UCP3: variants seen among roughly 807,000 people sequenced by gnomAD.
UCP3 encodes the protein uncoupling protein 3, also known as putative mitochondrial transporter UCP3.
Under a neutral mutation model 28.1 loss-of-function variants are expected in UCP3, and 24 were observed. That is an observed-to-expected ratio of 0.85 (90% CI 0.62 to 1.20). The LOEUF is 1.20. Among genes scored for constraint, UCP3 ranks in the 50% most tolerant of loss-of-function variants. The probability of loss-of-function intolerance (pLI) is 0.00; values close to 1 mark genes in which losing one functional copy is unlikely to be tolerated. For missense variants in UCP3, 397 were observed against 422.2 expected, an observed-to-expected ratio of 0.94 and a Z score of 0.52; for synonymous variants, 184 against 171.2, an observed-to-expected ratio of 1.07 and a Z score of -0.59.
In UCP3 at chr11:74,004,082, A is replaced by G; in HGVS notation, c.644-75T>C. On this transcript the variant is annotated intron_variant, in intron 5 of 6. Coordinates refer to ENST00000314032, the MANE Select transcript of UCP3 (RefSeq NM_003356.4). ...CATATGTATGCACTGTTTGTCCCCAACTCAACCGTGAACTCCCTGAGCATA... is the reference window on the plus strand; with the variant it reads ...CATATGTATGCACTGTTTGTCCCCAGCTCAACCGTGAACTCCCTGAGCATA... The G allele has an allele frequency of 2.5e-6, 4 of 1,578,394 alleles. No individual in the cohort carries two copies. In the South Asian group the frequency reaches 4.6e-5, roughly 18 times the overall value.
At position 74,009,011 on chromosome 11, in the gene UCP3, G is replaced by C. The variant is rs556313362; in HGVS notation, c.-129C>G. On this transcript the variant is annotated 5_prime_UTR_variant, in exon 1 of 7. Transcript: ENST00000314032. ...CCTGCCACGGCAGGGGCAGCACAGGGGCTCCCTAGGGCTCCATCCCAGGAG... is the reference window on the plus strand; with the variant it reads ...CCTGCCACGGCAGGGGCAGCACAGGCGCTCCCTAGGGCTCCATCCCAGGAG... 6.6e-6 allele frequency: 1 copy of C among 152,256 alleles called. No homozygotes were observed. Among genetic ancestry groups the C allele is most frequent in the African/African-American group, 2.4e-5 (1 of 41,438 alleles). The allele number at this position is 152,256 out of a possible 1,614,324, so 9.4% of individuals were successfully genotyped here. A position where few individuals can be genotyped will look rare whatever the true frequency, so the allele number is the denominator to read the frequency against.
intron 6 of UCP3, 28 bp from the exon 7 acceptor site, chr11:74,001,554 G>T: frequency 6.2e-7 from 1 of 1,607,744 alleles, no homozygotes. Context: ...CAACACATCA[G>T]GTGGAGTGCT....
At position 74,001,525 on chromosome 11, in the gene UCP3, A is replaced by G; in HGVS notation, c.826T>C (p.Phe276Leu). ...QEGPTAFYKGFTPSFLRLGSW... is the reference protein window; with the variant it reads ...QEGPTAFYKGLTPSFLRLGSW... ...CCCAAACGCAAAAAGGAGGGTGTAAATCTGATAAGAAAAACAACCAACACA... is the reference window on the plus strand; with the variant it reads ...CCCAAACGCAAAAAGGAGGGTGTAAGTCTGATAAGAAAAACAACCAACACA... Residue 276 changes from phenylalanine (F) to leucine (L), a missense_variant and splice_region_variant, in exon 7 of 7, where the codon TTT (phenylalanine) becomes CTT (leucine). Transcript: ENST00000314032. 6.2e-7 allele frequency: 1 copy of G among 1,614,108 alleles called. No individual in the cohort carries two copies. Among genetic ancestry groups the G allele is most frequent in the Non-Finnish European group, 8.5e-7 (1 of 1,180,002 alleles).
Position 74,001,506 on chromosome 11 carries a change from C to T in UCP3, c.845G>A (p.Arg282His), listed in dbSNP as rs768018002. 1.5e-5 allele frequency: 25 copies of T among 1,613,814 alleles called. No individual in the cohort carries two copies. Among genetic ancestry groups the T allele is most frequent in the East Asian group, 6.7e-5 (3 of 44,898 alleles). The change falls in exon 7 of 7, where the codon CGT becomes CAT. Residue 282 changes from arginine to histidine, a missense_variant. Transcript: ENST00000314032. The stretch of plus-strand genomic sequence containing the variant: ...CATCACCACGTTCCAGGATCCCAAA[C>T]GCAAAAAGGAGGGTGTAAATCTGAT... ...FYKGFTPSFL[R>H]LGSWNVVMFV...
rs764930928 is a variant in UCP3, at chr11:74,006,183, G to A, written c.323C>T (p.Pro108Leu). 3 of 1,614,028 alleles carry A rather than the reference G, an allele frequency of 1.9e-6. No individual in the cohort carries two copies. In the East Asian group the frequency reaches 6.7e-5, roughly 36 times the overall value. ...TGGTCACTCACTGTCCGCGCCTTTG[G>A]GGGTGTACACCTGCTTGACGGAGTC... ...LYDSVKQVYT[P>L]KGADNSSLTT... Residue 108 changes from proline to leucine, a missense_variant, in exon 3 of 7, where the codon CCC becomes CTC. Pro to Leu is a moderately conservative substitution (Grantham distance 98). Transcript: ENST00000314032.
At chr11:74,006,828 G>T (rs1951670623) in intron 2 of UCP3, 89 bp downstream of exon 2, 2 of 1,598,728 alleles carry the variant, frequency 1.3e-6, no homozygotes, top group East Asian at 2.2e-5. Context: ...TTCTGAGGAA[G>T]GGCATGTGGG....
rs773117289 is a variant in UCP3, at chr11:74,001,408, T to A, written c.*4A>T. 1 of 1,614,194 alleles carries A rather than the reference T, an allele frequency of 6.2e-7. No homozygotes were observed. The highest frequency in any genetic ancestry group is 2.2e-5 in the East Asian group (1 of 44,882). ...GTTAGCTACCAGTGGCCTTCTTGTC[T>A]TGTTCAAAACGGTGATTCCCGTAAC... On this transcript the variant is annotated 3_prime_UTR_variant, in exon 7 of 7. Transcript: ENST00000314032.
chr11:74,006,909 G>A lies in UCP3; in HGVS notation c.126+8C>T. The A allele has an allele frequency of 1.9e-6, 3 of 1,614,158 alleles. No individual in the cohort carries two copies. The highest frequency in any genetic ancestry group is 2.5e-6 in the Non-Finnish European group (3 of 1,180,032). ...GTGATCAATGACCCTTGGCCAAAGGGCACCTACCTGCAGGCGGACCTTGGC... is the reference window on the plus strand; with the variant it reads ...GTGATCAATGACCCTTGGCCAAAGGACACCTACCTGCAGGCGGACCTTGGC... On this transcript the variant is annotated splice_region_variant and intron_variant, in intron 2 of 6. Coordinates refer to ENST00000314032, the MANE Select transcript of UCP3 (RefSeq NM_003356.4).
chr11:74,005,812 G>C lies in UCP3; in HGVS notation c.459C>G (p.Ser153=). The change falls in exon 4 of 7, where the codon TCC becomes TCG. Residue 153 remains serine, a synonymous_variant. Coordinates refer to ENST00000314032, the MANE Select transcript of UCP3 (RefSeq NM_003356.4). The stretch of plus-strand genomic sequence containing the variant: ...TCCCGCTGTATTTTCTGTCGCTCCT[G>C]GATGGCCCGAGGTGTATGCTGGCCT... ...RFQASIHLGP[S]RSDRKYSGTM... 2 of 1,614,176 alleles carry C rather than the reference G, an allele frequency of 1.2e-6. No homozygotes were observed. Among genetic ancestry groups the C allele is most frequent in the Non-Finnish European group, 1.7e-6 (2 of 1,180,042 alleles).
chr11:74,007,187 T>C (rs2135390160), intron 1 of UCP3, 50 bp from the exon 2 acceptor site: 5 of 1,070,280 alleles, frequency 4.7e-6, no homozygotes, highest in Non-Finnish European at 5.3e-6. Flanking sequence ...CTGGCCTGGC[T>C]CCCAGGAACT....
intron 6 of UCP3, chr11:74,002,738 T>C (rs1346367990): frequency 1.0e-6 from 1 of 985,066 alleles, no homozygotes. Context: ...ACTGTAATGA[T>C]AGAGGCACTT....
chr11:74,003,826 C>T lies in UCP3; in HGVS notation c.824+1G>A, dbSNP rs45476292. 7,720 of 1,594,040 alleles carry T rather than the reference C, an allele frequency of 4.8e-3. 313 individuals are homozygous for T. In the African/African-American group the frequency reaches 0.089, roughly 18 times the overall value. On this transcript the variant is annotated splice_donor_variant, in intron 6 of 6. Coordinates refer to ENST00000314032, the MANE Select transcript of UCP3 (RefSeq NM_003356.4). LOFTEE classifies it high-confidence loss of function. ...AGTGCTGGAGGCAGGAGGAGGCTCA[C>T]CCCTTGTAGAAGGCTGTGGGGCCCT...
intron 6 of UCP3, chr11:74,002,100 G>A (rs1951625710): frequency 6.4e-6 from 1 of 156,146 alleles, no homozygotes; most frequent in African/African-American, 2.4e-5. Context: ...ACCAACTCAG[G>A]GAGAAGCCCA....
At position 74,007,047 on chromosome 11, in the gene UCP3, C is replaced by T. The variant is rs1951673249; in HGVS notation, c.-5G>A. 3 of 1,613,664 alleles carry T rather than the reference C, an allele frequency of 1.9e-6. No individual in the cohort carries two copies. The highest frequency in any genetic ancestry group is 2.5e-6 in the Non-Finnish European group (3 of 1,180,024). ...TGAAGGCTTCAGTCCAACCATAGTC[C>T]TGGAAGGCTCTGCCCAGTCCCTTTA... On this transcript the variant is annotated 5_prime_UTR_variant, in exon 2 of 7. Transcript: ENST00000314032.
At chr11:74,004,416 C>T in intron 5 of UCP3, 68 bp downstream of exon 5, 2 of 1,460,998 alleles carry the variant, frequency 1.4e-6, no homozygotes, top group Non-Finnish European at 1.9e-6. Context: ...GGGTGGTGCC[C>T]ACTCCACGGA....
At chr11:74,003,024 C>T (rs1191569123) in intron 6 of UCP3, 3 of 849,934 alleles carry the variant, frequency 3.5e-6, no homozygotes, top group Non-Finnish European at 4.2e-6. Context: ...CTTAACTTTT[C>T]TGACACTCAG....
chr11:74,007,437 C>CT (rs928421426), intron 1 of UCP3: 2,816 of 177,392 alleles, frequency 0.016, 10 homozygotes, highest in South Asian at 0.031. Context: ...AAACTGCCTC[C>CT]TTTTTTTTTT....
At chr11:74,001,765 G>T in intron 6 of UCP3, 1 of 494,340 alleles carries the variant, frequency 2.0e-6, no homozygotes, top group Admixed American at 3.3e-5. Context: ...ACTGTGTTAG[G>T]CAGCGAATTC....
chr11:74,007,153 C>A lies in UCP3; in HGVS notation c.-95-16G>T. 7.0e-7 allele frequency: 1 copy of A among 1,423,252 alleles called. No individual in the cohort carries two copies. Among genetic ancestry groups the A allele is most frequent in the African/African-American group, 1.4e-5 (1 of 70,554 alleles). The allele number at this position is 1,423,252 out of a possible 1,614,324, so 88.2% of individuals were successfully genotyped here. A position where few individuals can be genotyped will look rare whatever the true frequency, so the allele number is the denominator to read the frequency against. On this transcript the variant is annotated splice_polypyrimidine_tract_variant and intron_variant, in intron 1 of 6. Transcript: ENST00000314032. ...AGCGGTGGGGCTGCAGGAGACAGGC[C>A]AGAGAAGGCTGATGGAGTGATGTCT...
Sources: gnomAD v4.1 joint callset for allele counts on GRCh38, gnomAD v4.1.1 for gene constraint, MANE v1.5 for transcripts, NCBI Gene and HGNC (gene_info 2026-07-23, HGNC 2026-07-21) for gene names.